CDYL: variants seen among roughly 807,000 people sequenced by gnomAD.
CDYL encodes the protein chromodomain Y like.
CDYL carries 8 observed loss-of-function variants against 47.3 expected under a neutral mutation model. The ratio of observed to expected loss-of-function variants is 0.17; its 90% CI spans 0.10 to 0.31. The LOEUF is 0.31. Among genes scored for constraint, CDYL ranks in the 10% least tolerant of loss-of-function variants. The probability of loss-of-function intolerance (pLI) is 1.00; values close to 1 mark genes in which losing one functional copy is unlikely to be tolerated. For missense variants in CDYL, 471 were observed against 701.4 expected (o/e 0.67, Z 3.71); for synonymous variants, 266 against 265.0 (o/e 1.00, Z -0.04).
intron 1 of CDYL, among the ~76,000 whole-genome samples, chr6:4,829,650 G>T (rs187298750): frequency 9.9e-4 from 151 of 152,266 alleles, no homozygotes; most frequent in African/African-American, 3.4e-3. Context: ...GGACTTGTTT[G>T]TATATCTCAA....
chr6:4,758,747 T>G (rs1758118674), intron 3 of CDYL, among the ~76,000 whole-genome samples: 4 of 152,094 alleles, frequency 2.6e-5, no homozygotes, highest in Non-Finnish European at 5.9e-5. Flanking sequence ...AAAGTCACAA[T>G]TGACACTTTA....
chr6:4,946,737 G>A (rs557933197), intron 5 of CDYL, among the ~76,000 whole-genome samples: 151 of 152,208 alleles, frequency 9.9e-4, no homozygotes, highest in Non-Finnish European at 1.1e-3. Flanking sequence ...GTGGGGTCCC[G>A]TGGTCGGGCG....
At chr6:4,715,772 G>T in exon 2 of CDYL, 1 of 1,614,000 alleles carries the variant, frequency 6.2e-7, no homozygotes, top group Non-Finnish European at 8.5e-7. Flanking sequence ...GCCCCCGGAA[G>T]AATTTTATGA....
At chr6:4,872,711 G>T (rs1761509854) in intron 1 of CDYL, among the ~76,000 whole-genome samples, 1 of 152,150 alleles carries the variant, frequency 6.6e-6, no homozygotes, top group African/African-American at 2.4e-5. Context: ...ATATGTGAAG[G>T]CTTGCCTATA....
chr6:4,905,153 G>A (rs926058781), intron 2 of CDYL, among the ~76,000 whole-genome samples: 12 of 152,274 alleles, frequency 7.9e-5, no homozygotes, highest in East Asian at 3.9e-4. Context: ...CCGTGTGTCC[G>A]TCTTACTGAA....
chr6:4,897,347 T>C (rs1345574104), intron 2 of CDYL, among the ~76,000 whole-genome samples: 14 of 152,176 alleles, frequency 9.2e-5, no homozygotes. Flanking sequence ...ACTGAGGAAA[T>C]ATTAATACCT....
At chr6:4,716,593 ATTTTTTTTT>A in intron 2 of CDYL, among the ~76,000 whole-genome samples, 1 of 119,992 alleles carries the variant, frequency 8.3e-6, no homozygotes, top group Admixed American at 9.0e-5. Context: ...GGCAGCAATA[ATTTTTTTTT>A]TTTTTTTTTT....
At chr6:4,845,033 A>G (rs1760614285) in intron 1 of CDYL, among the ~76,000 whole-genome samples, 1 of 152,324 alleles carries the variant, frequency 6.6e-6, no homozygotes, top group African/African-American at 2.4e-5. Flanking sequence ...TTCTTTCTAC[A>G]ATTTGAGATA....
intron 2 of CDYL, among the ~76,000 whole-genome samples, chr6:4,899,879 G>A: frequency 6.6e-6 from 1 of 152,160 alleles, no homozygotes; most frequent in East Asian, 1.9e-4. Context: ...ATCTCACTCT[G>A]GATAGGGAAC....
intron 1 of CDYL, among the ~76,000 whole-genome samples, chr6:4,845,275 A>C (rs969979473): frequency 1.3e-5 from 2 of 152,228 alleles, no homozygotes; most frequent in African/African-American, 4.8e-5. Flanking sequence ...AAGGTAACCC[A>C]ATCTTAGAGG....
chr6:4,801,352 T>C (rs1294443010), intron 1 of CDYL, among the ~76,000 whole-genome samples: 1 of 152,232 alleles, frequency 6.6e-6, no homozygotes, highest in Non-Finnish European at 1.5e-5. Context: ...AAATCCAACA[T>C]TTCGGCTCAC....
At chr6:4,930,572 T>C (rs1758003622) in intron 2 of CDYL, among the ~76,000 whole-genome samples, 1 of 152,192 alleles carries the variant, frequency 6.6e-6, no homozygotes, top group African/African-American at 2.4e-5. Context: ...CAAACAGTTG[T>C]TATGTCTATT....
At chr6:4,740,352 T>A (rs781266629) in intron 3 of CDYL, among the ~76,000 whole-genome samples, 1 of 152,094 alleles carries the variant, frequency 6.6e-6, no homozygotes, top group Non-Finnish European at 1.5e-5. Context: ...CACTTGGCAA[T>A]GTCTGGAGGC....
rs549597568 is a variant in CDYL, at chr6:4,789,938, C to T, written c.24+13131C>T. ...TCGCCTTTCAGACGACAGAAAGCTG[C>T]CCTTTATGCCTTTGTGCTCCCCCTT... On this transcript the variant is annotated intron_variant, in intron 1 of 6. Coordinates refer to ENST00000397588, the MANE Select transcript of CDYL (RefSeq NM_004824.4). Among the ~76,000 whole-genome samples the T allele has an allele frequency of 3.9e-5, 6 of 152,274 alleles. No homozygotes were observed. In the South Asian group the frequency reaches 1.2e-3, roughly 32 times the overall value.
At chr6:4,925,409 CTTTTTT>C (rs58457972) in intron 2 of CDYL, among the ~76,000 whole-genome samples, 5 of 109,246 alleles carry the variant, frequency 4.6e-5, no homozygotes, top group Non-Finnish European at 8.6e-5. Flanking sequence ...ATTCTTTTTT[CTTTTTT>C]TTTTTTTTTT....
intron 2 of CDYL, among the ~76,000 whole-genome samples, chr6:4,930,002 A>T (rs1287130565): frequency 6.6e-6 from 1 of 152,132 alleles, no homozygotes; most frequent in Non-Finnish European, 1.5e-5. Context: ...TATCAGTTTG[A>T]TCCTTTCACA....
chr6:4,787,408 C>T (rs1053305511), intron 1 of CDYL, among the ~76,000 whole-genome samples: 1 of 152,122 alleles, frequency 6.6e-6, no homozygotes, highest in Non-Finnish European at 1.5e-5. Context: ...AATCTTGATT[C>T]GGTTGATAGA....
chr6:4,920,641 T>G (rs1328656736), intron 2 of CDYL, among the ~76,000 whole-genome samples: 1 of 152,196 alleles, frequency 6.6e-6, no homozygotes, highest in African/African-American at 2.4e-5. Context: ...TTGATTGAGA[T>G]GGAGTCTCGC....
Position 4,798,310 on chromosome 6 carries a change from G to A in CDYL, c.24+21503G>A, listed in dbSNP as rs573194262. Among the ~76,000 whole-genome samples the A allele has an allele frequency of 5.3e-5, 8 of 152,206 alleles. No homozygotes were observed. In the South Asian group the frequency reaches 1.5e-3, roughly 28 times the overall value. ...ATAATTATTTTAGTGAGGATTTGGGGATAAGTTCTTGGTATTCATTTGTCT... is the reference window on the plus strand; with the variant it reads ...ATAATTATTTTAGTGAGGATTTGGGAATAAGTTCTTGGTATTCATTTGTCT... On this transcript the variant is annotated intron_variant, in intron 1 of 6. Coordinates refer to ENST00000397588, the MANE Select transcript of CDYL (RefSeq NM_004824.4).
Sources: gnomAD v4.1 joint callset for allele counts (sites outside exome capture counted in the v4.1 genomes callset) on GRCh38, gnomAD v4.1.1 for gene constraint, MANE v1.5 for transcripts, NCBI Gene and HGNC (gene_info 2026-07-23, HGNC 2026-07-21) for gene names.